The following STK39 variants were observed in gnomAD, a reference collection of about 807,000 sequenced individuals.
The protein encoded by STK39 is serine/threonine kinase 39.
In STK39, 20 loss-of-function variants were observed where a neutral mutation model predicts 77.8. The ratio of observed to expected loss-of-function variants is 0.26; its 90% CI spans 0.18 to 0.37. STK39 has a LOEUF of 0.37. Among genes scored for constraint, STK39 ranks in the 10% least tolerant of loss-of-function variants. STK39 has a pLI of 1.00. For missense variants in STK39, 479 were observed against 656.5 expected, an observed-to-expected ratio of 0.73 and a Z score of 2.95; for synonymous variants, 246 against 234.1, an observed-to-expected ratio of 1.05 and a Z score of -0.47.
chr2:168,246,059 A>AT (rs1258000661), intron 1 of STK39, among the ~76,000 whole-genome samples: 1 of 152,162 alleles, frequency 6.6e-6, no homozygotes, highest in African/African-American at 2.4e-5. Flanking sequence ...ATCTGTTTTA[A>AT]TTTTTTTAAA....
At chr2:168,092,980 C>G (rs112364670) in intron 10 of STK39, among the ~76,000 whole-genome samples, 2 of 152,180 alleles carry the variant, frequency 1.3e-5, no homozygotes, top group African/African-American at 4.8e-5. Flanking sequence ...ACATGTTTCT[C>G]TCTCCAGGCC....
At chr2:168,143,179 C>T (rs919425678) in intron 5 of STK39, among the ~76,000 whole-genome samples, 5 of 152,200 alleles carry the variant, frequency 3.3e-5, no homozygotes, top group African/African-American at 1.2e-4. Flanking sequence ...TGGGTAAATG[C>T]TGCTTTAAGA....
At chr2:167,991,437 G>C (rs962580886) in intron 16 of STK39, among the ~76,000 whole-genome samples, 1 of 152,182 alleles carries the variant, frequency 6.6e-6, no homozygotes, top group Non-Finnish European at 1.5e-5. Flanking sequence ...GAATTTATCT[G>C]ATGGGGGTGG....
chr2:168,113,971 T>A (rs1441548558), intron 10 of STK39, among the ~76,000 whole-genome samples: 1 of 152,260 alleles, frequency 6.6e-6, no homozygotes, highest in Non-Finnish European at 1.5e-5. Flanking sequence ...ATGTTTACTT[T>A]GTTCAAACAG....
chr2:168,028,078 G>A (rs1684745761), intron 14 of STK39, among the ~76,000 whole-genome samples: 1 of 152,094 alleles, frequency 6.6e-6, no homozygotes, highest in Non-Finnish European at 1.5e-5. Flanking sequence ...CCAGGTGAAG[G>A]GCATGGCTGT....
chr2:168,057,748 C>CAT (rs1167236199), intron 14 of STK39, among the ~76,000 whole-genome samples: 2 of 152,154 alleles, frequency 1.3e-5, no homozygotes, highest in African/African-American at 2.4e-5. Flanking sequence ...CAACTAATGA[C>CAT]ATTCCCTGTT....
chr2:167,984,233 CA>C (rs1269510591), intron 16 of STK39, among the ~76,000 whole-genome samples: 6 of 152,340 alleles, frequency 3.9e-5, no homozygotes, highest in African/African-American at 1.2e-4. Flanking sequence ...GCATCTCATA[CA>C]GGCAGATTCA....
rs140856548 is a variant in STK39, at chr2:168,077,627, G to C, written c.1090-2396C>G. Among the ~76,000 whole-genome samples, 959 of 152,234 alleles carry C rather than the reference G, an allele frequency of 6.3e-3. 17 individuals are homozygous for C. Among genetic ancestry groups the C allele is most frequent in the African/African-American group, 0.022 (914 of 41,552 alleles). ...AATAGTATTGGTAAAATTGCCACTAGAATAAGAATACTAACTTGTCTTTGA... is the reference window on the plus strand; with the variant it reads ...AATAGTATTGGTAAAATTGCCACTACAATAAGAATACTAACTTGTCTTTGA... On this transcript the variant is annotated intron_variant, in intron 10 of 17. Coordinates refer to ENST00000355999, the MANE Select transcript of STK39 (RefSeq NM_013233.3).
Position 167,959,776 on chromosome 2 carries a change from T to C in STK39, c.1564-4206A>G, listed in dbSNP as rs555718984. On this transcript the variant is annotated intron_variant, in intron 17 of 17. Transcript: ENST00000355999. ...ATTGGCTTTGCTTTTTTACAGTGAG[T>C]GACAGTGCCTGGCTCTGAGGAACAC... Among the ~76,000 whole-genome samples, 12 of 152,250 alleles carry C rather than the reference T, an allele frequency of 7.9e-5. No individual in the cohort carries two copies. The South Asian group carries it at 2.5e-3, about 32-fold the overall frequency.
chr2:168,210,074 G>A (rs1689851301), intron 1 of STK39, among the ~76,000 whole-genome samples: 1 of 145,242 alleles, frequency 6.9e-6, no homozygotes, highest in Admixed American at 6.9e-5. Context: ...AGGAAGGAAG[G>A]AAGGAAGAAA....
At chr2:168,236,199 T>C (rs983244401) in intron 1 of STK39, among the ~76,000 whole-genome samples, 2 of 152,242 alleles carry the variant, frequency 1.3e-5, no homozygotes, top group Non-Finnish European at 2.9e-5. Flanking sequence ...ATTTCTCTGA[T>C]AGCCAGCGAT....
chr2:168,004,058 T>C (rs1250898968), intron 16 of STK39, among the ~76,000 whole-genome samples: 2 of 152,236 alleles, frequency 1.3e-5, no homozygotes, highest in African/African-American at 4.8e-5. Context: ...CATCTAACCA[T>C]ATGCTCATGA....
intron 16 of STK39, among the ~76,000 whole-genome samples, chr2:167,975,352 A>C (rs1683246406): frequency 6.6e-6 from 1 of 152,116 alleles, no homozygotes; most frequent in African/African-American, 2.4e-5. Context: ...GAGCAGAGGA[A>C]ATCTACAATA....
chr2:168,233,907 C>A (rs939663001), intron 1 of STK39, among the ~76,000 whole-genome samples: 2 of 152,160 alleles, frequency 1.3e-5, no homozygotes, highest in Non-Finnish European at 2.9e-5. Context: ...TTAGTCATCA[C>A]AAGAACATTT....
intron 5 of STK39, among the ~76,000 whole-genome samples, chr2:168,146,641 C>G (rs187670585): frequency 6.6e-6 from 1 of 152,312 alleles, no homozygotes; most frequent in Admixed American, 6.5e-5. Flanking sequence ...CAACCAACCA[C>G]AGAGTCTGAG....
chr2:168,140,898 G>A, intron 5 of STK39, 140 bp from the exon 6 acceptor site: 1 of 623,996 alleles, frequency 1.6e-6, no homozygotes. Flanking sequence ...GCTCTCTCAG[G>A]AAAAAAAAGG....
chr2:168,093,512 T>A (rs1396751385), intron 10 of STK39, among the ~76,000 whole-genome samples: 4 of 152,182 alleles, frequency 2.6e-5, no homozygotes, highest in Non-Finnish European at 5.9e-5. Flanking sequence ...ATGATTCAAC[T>A]ACCTCCCAAC....
intron 14 of STK39, among the ~76,000 whole-genome samples, chr2:168,036,427 C>G (rs1167550958): frequency 6.8e-6 from 1 of 146,066 alleles, no homozygotes; most frequent in African/African-American, 2.6e-5. Context: ...TGCCTGGCAT[C>G]ACATAAACCT....
At chr2:168,093,586 C>T (rs1686583617) in intron 10 of STK39, among the ~76,000 whole-genome samples, 1 of 152,140 alleles carries the variant, frequency 6.6e-6, no homozygotes, top group African/African-American at 2.4e-5. Context: ...ACAGCCAAAC[C>T]ATAAGTCATG....
Sources: allele counts gnomAD v4.1 joint callset (sites outside exome capture counted in the v4.1 genomes callset), GRCh38; gene constraint gnomAD v4.1.1; transcripts MANE v1.5; gene names NCBI Gene and HGNC (gene_info 2026-07-23, HGNC 2026-07-21).